The following GNG2 variants were observed in gnomAD, a reference collection of about 807,000 sequenced individuals.
GNG2 encodes G protein subunit gamma 2, also known as guanine nucleotide-binding protein G(I)/G(S)/G(O) subunit gamma-2.
GNG2 carries 5 observed loss-of-function variants against 5.5 expected under a neutral mutation model. That is an observed-to-expected ratio of 0.91 (90% CI 0.48 to 1.92). GNG2 has a LOEUF of 1.92. Among genes scored for constraint, GNG2 ranks in the 30% most tolerant of loss-of-function variants. The pLI, the probability that GNG2 is intolerant of heterozygous loss-of-function variation, is 0.01. For synonymous variants in GNG2, 28 were observed against 32.0 expected, an observed-to-expected ratio of 0.88 and a Z score of 0.42; for missense variants, 55 against 88.4, an observed-to-expected ratio of 0.62 and a Z score of 1.52.
At chr14:51,887,918 A>T (rs1490930888) in intron 2 of GNG2, among the ~76,000 whole-genome samples, 3 of 152,242 alleles carry the variant, frequency 2.0e-5, no homozygotes, top group African/African-American at 7.2e-5. Context: ...TTGAGATTTT[A>T]AAAAGCTGCA....
At chr14:51,922,835 C>T (rs540868059) in intron 2 of GNG2, among the ~76,000 whole-genome samples, 1 of 152,240 alleles carries the variant, frequency 6.6e-6, no homozygotes, top group African/African-American at 2.4e-5. Context: ...GGTGGAAAGT[C>T]TCAATAGAGT....
chr14:51,889,989 C>T (rs1334636617), intron 2 of GNG2, among the ~76,000 whole-genome samples: 1 of 152,174 alleles, frequency 6.6e-6, no homozygotes, highest in African/African-American at 2.4e-5. Flanking sequence ...AAACTCCTAA[C>T]CACAGTAGAT....
chr14:51,914,243 T>C (rs894976660), intron 2 of GNG2: 5 of 702,248 alleles, frequency 7.1e-6, no homozygotes, highest in Non-Finnish European at 1.3e-5. Context: ...ATGGAGTTAT[T>C]AGGCAACATA....
At chr14:51,893,290 T>C (rs1000710740) in intron 2 of GNG2, among the ~76,000 whole-genome samples, 4 of 152,238 alleles carry the variant, frequency 2.6e-5, no homozygotes, top group African/African-American at 9.6e-5. Context: ...ACCACTCTAA[T>C]GGGTGAGGAA....
Position 51,889,696 on chromosome 14 carries a change from G to C in GNG2, c.-30+12039G>C, listed in dbSNP as rs544457581. Among the ~76,000 whole-genome samples, 6 of 152,204 alleles carry C rather than the reference G, an allele frequency of 3.9e-5. No homozygotes were observed. In the South Asian group the frequency reaches 6.2e-4, roughly 16 times the overall value. ...GGTTGTACTGCACCTATATTTCCAGGTGTTGAGCACAATGTAGAACTTTCT... is the reference window on the plus strand; with the variant it reads ...GGTTGTACTGCACCTATATTTCCAGCTGTTGAGCACAATGTAGAACTTTCT... On this transcript the variant is annotated intron_variant, in intron 2 of 3. Transcript: ENST00000556766.
At chr14:51,946,243 G>T (rs938181851) in intron 2 of GNG2, among the ~76,000 whole-genome samples, 2 of 152,138 alleles carry the variant, frequency 1.3e-5, no homozygotes, top group Non-Finnish European at 2.9e-5. Context: ...TGTGATTCAC[G>T]GTAGAGGTGG....
chr14:51,879,905 A>T (rs746001342), intron 2 of GNG2, among the ~76,000 whole-genome samples: 2 of 152,196 alleles, frequency 1.3e-5, no homozygotes, highest in African/African-American at 2.4e-5. Context: ...GGGGCCTATT[A>T]TTCTGCCTAC....
At chr14:51,855,146 A>C (rs1328922589) in intron 2 of GNG2, among the ~76,000 whole-genome samples, 2 of 152,202 alleles carry the variant, frequency 1.3e-5, no homozygotes, top group African/African-American at 4.8e-5. Context: ...ATTTCAGGCA[A>C]TATCAGAGAA....
At chr14:51,895,913 G>T (rs537790093) in intron 2 of GNG2, among the ~76,000 whole-genome samples, 3 of 152,020 alleles carry the variant, frequency 2.0e-5, no homozygotes, top group African/African-American at 7.2e-5. Flanking sequence ...TGCCATCCAC[G>T]TAAGACGTGA....
chr14:51,921,895 C>T (rs1193300322), intron 2 of GNG2, among the ~76,000 whole-genome samples: 1 of 152,098 alleles, frequency 6.6e-6, no homozygotes, highest in Admixed American at 6.5e-5. Context: ...TTAATTAAAC[C>T]CATACAGATT....
chr14:51,905,899 C>G (rs964577556), intron 2 of GNG2, among the ~76,000 whole-genome samples: 2 of 152,232 alleles, frequency 1.3e-5, no homozygotes, highest in African/African-American at 2.4e-5. Flanking sequence ...TTTGCTTCCA[C>G]TTATGCCGTT....
chr14:51,839,070 A>G (rs911793689), intron 2 of GNG2, among the ~76,000 whole-genome samples: 1 of 152,140 alleles, frequency 6.6e-6, no homozygotes, highest in African/African-American at 2.4e-5. Context: ...GCAAAACTAT[A>G]CAGATTGTGA....
At chr14:51,851,095 C>T (rs146246943) in intron 2 of GNG2, among the ~76,000 whole-genome samples, 26 of 152,324 alleles carry the variant, frequency 1.7e-4, no homozygotes, top group African/African-American at 6.0e-4. Flanking sequence ...GCCTCAGGAA[C>T]ATTTGCACCC....
intron 2 of GNG2, chr14:51,917,389 A>C (rs1886712038): frequency 2.2e-6 from 1 of 456,002 alleles, no homozygotes; most frequent in African/African-American, 2.0e-5. Flanking sequence ...GACAGCAACG[A>C]CATGGCTGGT....
chr14:51,843,423 G>T (rs1881538767), intron 2 of GNG2, among the ~76,000 whole-genome samples: 1 of 152,148 alleles, frequency 6.6e-6, no homozygotes, highest in South Asian at 2.1e-4. Context: ...ACTGGGGCCT[G>T]TCGGGGGTGA....
intron 2 of GNG2, among the ~76,000 whole-genome samples, chr14:51,941,850 G>A (rs987213002): frequency 2.6e-5 from 4 of 152,110 alleles, no homozygotes; most frequent in South Asian, 2.1e-4. Context: ...TGGGTGGGAC[G>A]GGGACTATAA....
intron 2 of GNG2, among the ~76,000 whole-genome samples, chr14:51,912,564 C>G (rs1182046883): frequency 1.3e-5 from 2 of 152,180 alleles, no homozygotes; most frequent in African/African-American, 4.8e-5. Context: ...GGGTGGAGTC[C>G]TGTCCACTTT....
intron 2 of GNG2, among the ~76,000 whole-genome samples, chr14:51,846,563 A>G (rs1881633829): frequency 6.6e-6 from 1 of 152,240 alleles, no homozygotes; most frequent in East Asian, 1.9e-4. Flanking sequence ...TTCTAAAAAA[A>G]TGTGTGTGCG....
intron 2 of GNG2, among the ~76,000 whole-genome samples, chr14:51,845,173 G>A (rs369198210): frequency 6.6e-5 from 10 of 152,196 alleles, no homozygotes; most frequent in African/African-American, 2.4e-4. Context: ...GTATCATATG[G>A]GCCAAATCAC....
Sources: gnomAD v4.1 joint callset for allele counts (sites outside exome capture counted in the v4.1 genomes callset) on GRCh38, gnomAD v4.1.1 for gene constraint, MANE v1.5 for transcripts, NCBI Gene and HGNC (gene_info 2026-07-23, HGNC 2026-07-21) for gene names.